RARB: variants seen among roughly 807,000 people sequenced by gnomAD.
RARB encodes the protein retinoic acid receptor beta.
RARB carries 17 observed loss-of-function variants against 51.9 expected under a neutral mutation model. The ratio of observed to expected loss-of-function variants is 0.33; its 90% CI spans 0.22 to 0.49. RARB has a LOEUF of 0.49. Among genes scored for constraint, RARB ranks in the 20% least tolerant of loss-of-function variants. The pLI, the probability that RARB is intolerant of heterozygous loss-of-function variation, is 0.99. For missense variants in RARB, 369 were observed against 550.8 expected (o/e 0.67, Z 3.30); for synonymous variants, 215 against 195.4 (o/e 1.10, Z -0.84).
At chr3:25,235,461 C>T (rs1353017684) in intron 5 of RARB, among the ~76,000 whole-genome samples, 1 of 152,114 alleles carries the variant, frequency 6.6e-6, no homozygotes, top group East Asian at 1.9e-4. Flanking sequence ...TGTCTCCTCA[C>T]CAAAAGGAGA....
At chr3:25,056,851 C>T (rs1698451900) in intron 2 of RARB, among the ~76,000 whole-genome samples, 4 of 152,118 alleles carry the variant, frequency 2.6e-5, no homozygotes, top group Admixed American at 2.6e-4. Context: ...CTTTGCCCCT[C>T]CTTAGAATCA....
chr3:24,901,010 G>C (rs1703594556), intron 2 of RARB, among the ~76,000 whole-genome samples: 1 of 152,136 alleles, frequency 6.6e-6, no homozygotes, highest in Non-Finnish European at 1.5e-5. Context: ...AAATATGTTA[G>C]AGCCTCATCT....
At chr3:25,154,890 G>A (rs1700349623) in intron 4 of RARB, among the ~76,000 whole-genome samples, 1 of 152,164 alleles carries the variant, frequency 6.6e-6, no homozygotes, top group Non-Finnish European at 1.5e-5. Context: ...CTTTTCCCCA[G>A]TAGGCTGTGA....
intron 5 of RARB, among the ~76,000 whole-genome samples, chr3:25,334,560 A>C (rs1705005863): frequency 6.6e-6 from 1 of 152,306 alleles, no homozygotes; most frequent in Admixed American, 6.5e-5. Context: ...GGATAGCATT[A>C]GGAGATATAC....
chr3:25,236,647 C>A (rs1195872631), intron 5 of RARB, among the ~76,000 whole-genome samples: 1 of 151,974 alleles, frequency 6.6e-6, no homozygotes. Flanking sequence ...GTGCTCCGAA[C>A]AATTAATATA....
At chr3:25,424,468 C>T (rs1707936900), upstream of RARB, among the ~76,000 whole-genome samples, 1 of 152,238 alleles carries the variant, frequency 6.6e-6, no homozygotes, top group South Asian at 2.1e-4. Flanking sequence ...GCCTTGGCTT[C>T]CCTGCTGGAA....
At chr3:25,302,940 A>C (rs73154981) in intron 5 of RARB, among the ~76,000 whole-genome samples, 2,374 of 152,252 alleles carry the variant, frequency 0.016, 70 homozygotes, top group African/African-American at 0.054. Context: ...AGGGAGATAA[A>C]TTGCTTCTTT....
intron 5 of RARB, among the ~76,000 whole-genome samples, chr3:25,243,751 G>T (rs1365695628): frequency 6.6e-6 from 1 of 152,088 alleles, no homozygotes; most frequent in African/African-American, 2.4e-5. Flanking sequence ...TGTTCATCAG[G>T]GATATTGGCC....
At chr3:25,075,280 T>C (rs1354683946) in intron 3 of RARB, among the ~76,000 whole-genome samples, 2 of 152,194 alleles carry the variant, frequency 1.3e-5, no homozygotes, top group East Asian at 3.9e-4. Flanking sequence ...TGCTTCCCTA[T>C]ACCCCGTCTT....
At position 25,593,484 on chromosome 3, in the gene RARB, A is replaced by C. The variant is rs1701693810; in HGVS notation, c.787-19A>C. ...GACAGGATGGCTTAGAACATCCATC[A>C]ATTTTTTTTTCCTTCCAGATTCTTA... On this transcript the variant is annotated intron_variant, in intron 5 of 7. Transcript: ENST00000330688. The C allele has an allele frequency of 6.2e-7, 1 of 1,602,422 alleles. No individual in the cohort carries two copies. Among genetic ancestry groups the C allele is most frequent in the Admixed American group, 1.7e-5 (1 of 59,952 alleles).
chr3:25,332,915 C>G (rs1250435795), intron 5 of RARB, among the ~76,000 whole-genome samples: 3 of 152,018 alleles, frequency 2.0e-5, no homozygotes, highest in African/African-American at 7.2e-5. Context: ...ATGAGTGAAC[C>G]TTCATTCACA....
At chr3:24,923,219 C>T (rs765611885) in intron 2 of RARB, among the ~76,000 whole-genome samples, 15 of 152,114 alleles carry the variant, frequency 9.9e-5, no homozygotes, top group Non-Finnish European at 1.2e-4. Flanking sequence ...TTAATTCTAG[C>T]AATATATTTG....
intron 2 of RARB, among the ~76,000 whole-genome samples, chr3:24,924,560 AATAG>A (rs1409073890): frequency 3.3e-5 from 5 of 152,200 alleles, no homozygotes; most frequent in African/African-American, 1.2e-4. Flanking sequence ...GAGTGTGACT[AATAG>A]ATATCATATT....
intron 2 of RARB, among the ~76,000 whole-genome samples, chr3:24,931,841 G>A (rs781072262): frequency 1.1e-4 from 17 of 152,100 alleles, no homozygotes; most frequent in Non-Finnish European, 2.5e-4. Context: ...TGTAGAATGA[G>A]AGTTAGGTAG....
intron 1 of RARB, among the ~76,000 whole-genome samples, chr3:25,432,602 G>T (rs1017785015): frequency 3.3e-5 from 5 of 152,024 alleles, no homozygotes; most frequent in Non-Finnish European, 2.9e-5. Context: ...TCTCTAAAGC[G>T]TAAGAATAAA....
chr3:24,948,363 A>G (rs1485725139), intron 2 of RARB, among the ~76,000 whole-genome samples: 1 of 152,226 alleles, frequency 6.6e-6, no homozygotes, highest in African/African-American at 2.4e-5. Flanking sequence ...CTAGCTAGGT[A>G]ACATTGTTTT....
chr3:25,102,195 C>T (rs985549278), intron 3 of RARB, among the ~76,000 whole-genome samples: 3 of 152,164 alleles, frequency 2.0e-5, no homozygotes, highest in African/African-American at 7.2e-5. Context: ...ACAAAATAGT[C>T]TAAGATGGCA....
chr3:24,905,212 G>C (rs1214731830), intron 2 of RARB, among the ~76,000 whole-genome samples: 1 of 152,154 alleles, frequency 6.6e-6, no homozygotes, highest in Non-Finnish European at 1.5e-5. Context: ...ATAGATGGTA[G>C]AGTGAATAGC....
intron 5 of RARB, among the ~76,000 whole-genome samples, chr3:25,342,420 C>G (rs1459745367): frequency 2.0e-5 from 3 of 152,182 alleles, no homozygotes. Flanking sequence ...TCATCGGCTG[C>G]TAGGACAGCC....
Sources: gnomAD v4.1 joint callset for allele counts (sites outside exome capture counted in the v4.1 genomes callset) on GRCh38, gnomAD v4.1.1 for gene constraint, MANE v1.5 for transcripts, NCBI Gene and HGNC (gene_info 2026-07-23, HGNC 2026-07-21) for gene names.